ACYP2: variants seen among roughly 807,000 people sequenced by gnomAD.
ACYP2 encodes the protein acylphosphatase-2.
In ACYP2, 12 loss-of-function variants were observed where a neutral mutation model predicts 11.2. The ratio of observed to expected loss-of-function variants is 1.08; its 90% CI spans 0.69 to 1.74. The LOEUF (loss-of-function observed/expected upper bound fraction) is 1.74, where lower values mean the gene tolerates loss of function less well. ACYP2 is among the 40% of genes most tolerant of loss of function. ACYP2 has a pLI of 0.00. For missense variants in ACYP2, 134 were observed against 101.9 expected, an observed-to-expected ratio of 1.31 and a Z score of -1.35; for synonymous variants, 43 against 32.2, an observed-to-expected ratio of 1.33 and a Z score of -1.13.
At chr2:54,275,892 G>C (rs749180704) in intron 6 of ACYP2, among the ~76,000 whole-genome samples, 1 of 151,906 alleles carries the variant, frequency 6.6e-6, no homozygotes, top group Non-Finnish European at 1.5e-5. Context: ...TAGTCAAAGT[G>C]CAACATTAAG....
chr2:54,149,580 A>C (rs1455066546), intron 6 of ACYP2, among the ~76,000 whole-genome samples: 3 of 152,200 alleles, frequency 2.0e-5, no homozygotes. Flanking sequence ...GTGTTATGAC[A>C]CTGAGCATAA....
chr2:54,270,605 C>T (rs1573025718), intron 6 of ACYP2, among the ~76,000 whole-genome samples: 1 of 151,520 alleles, frequency 6.6e-6, no homozygotes, highest in East Asian at 1.9e-4. Context: ...AGATATGTCT[C>T]AAAATTTTAA....
intron 6 of ACYP2, among the ~76,000 whole-genome samples, chr2:54,140,030 G>A (rs544573075): frequency 4.4e-4 from 67 of 151,972 alleles, no homozygotes; most frequent in Middle Eastern, 3.4e-3. Flanking sequence ...AAATGTTTAC[G>A]TGCATACTTG....
At chr2:54,225,480 ATCT>A (rs890872308) in intron 6 of ACYP2, among the ~76,000 whole-genome samples, 8 of 152,120 alleles carry the variant, frequency 5.3e-5, no homozygotes, top group Non-Finnish European at 7.4e-5. Flanking sequence ...CATCAGCATG[ATCT>A]TCTTTACAGT....
At chr2:54,256,723 C>T (rs1687556388) in intron 6 of ACYP2, among the ~76,000 whole-genome samples, 1 of 152,240 alleles carries the variant, frequency 6.6e-6, no homozygotes, top group South Asian at 2.1e-4. Context: ...CTCACTGAAG[C>T]TGCCGCCTCC....
intron 6 of ACYP2, among the ~76,000 whole-genome samples, chr2:54,184,989 G>T (rs887953298): frequency 1.3e-5 from 2 of 151,972 alleles, no homozygotes; most frequent in African/African-American, 2.4e-5. Flanking sequence ...GGGATTACAG[G>T]TGCCCACCAC....
At chr2:54,294,658 T>C (rs758445085) in intron 6 of ACYP2, among the ~76,000 whole-genome samples, 1 of 152,044 alleles carries the variant, frequency 6.6e-6, no homozygotes, top group African/African-American at 2.4e-5. Flanking sequence ...ACTCCTGTAA[T>C]TGCAGCTCTT....
intron 2 of ACYP2, among the ~76,000 whole-genome samples, chr2:54,025,287 A>T (rs1440449473): frequency 1.3e-5 from 2 of 152,228 alleles, no homozygotes; most frequent in African/African-American, 4.8e-5. Flanking sequence ...AGACTAAGCA[A>T]AAAGAACACA....
chr2:53,996,564 A>G (rs1672584848), intron 2 of ACYP2, among the ~76,000 whole-genome samples: 1 of 152,178 alleles, frequency 6.6e-6, no homozygotes. Context: ...TGGTCCTGTT[A>G]ATGCTGCCAT....
chr2:54,113,078 G>T (rs1679538716), intron 4 of ACYP2, among the ~76,000 whole-genome samples: 1 of 152,134 alleles, frequency 6.6e-6, no homozygotes, highest in Non-Finnish European at 1.5e-5. Flanking sequence ...ATCCTGGAAT[G>T]TTCAAGTTCC....
chr2:54,155,839 C>T (rs1215845960), intron 6 of ACYP2, among the ~76,000 whole-genome samples: 1 of 152,130 alleles, frequency 6.6e-6, no homozygotes. Context: ...TGTTTAGTAA[C>T]ATGTTAATTT....
chr2:54,114,380 CAAAAAAA>C (rs58390248), intron 4 of ACYP2, among the ~76,000 whole-genome samples: 1 of 104,408 alleles, frequency 9.6e-6, no homozygotes, highest in Non-Finnish European at 2.0e-5. Context: ...TCAAGACAAT[CAAAAAAA>C]AAAAAAAAAA....
Position 54,255,840 on chromosome 2 carries a change from C to G in ACYP2, c.405-48848C>G, listed in dbSNP as rs114346583. On this transcript the variant is annotated intron_variant, in intron 6 of 6. Coordinates refer to ENST00000607452, the MANE Select transcript of ACYP2 (RefSeq NM_001320586.2). ...TTTTGAGGCTGCCGTCAGTTGTCAG[C>G]GAGGCAGAGGCCGCTTCTAGGCCCT... is the stretch of plus-strand genomic sequence containing the variant. 3.7e-6 allele frequency: 6 copies of G among 1,613,812 alleles called. No homozygotes were observed. The African/African-American group carries it at 4.0e-5, about 11-fold the overall frequency.
chr2:54,023,321 T>C (rs1301737802), intron 2 of ACYP2, among the ~76,000 whole-genome samples: 2 of 152,184 alleles, frequency 1.3e-5, no homozygotes, highest in African/African-American at 4.8e-5. Flanking sequence ...ATAAGAAATG[T>C]CACACTAATT....
intron 2 of ACYP2, among the ~76,000 whole-genome samples, chr2:53,991,076 G>T (rs572825873): frequency 6.6e-6 from 1 of 152,166 alleles, no homozygotes; most frequent in East Asian, 1.9e-4. Flanking sequence ...GATTACAGGC[G>T]TGAGCCACCG....
At chr2:54,210,186 T>C in intron 6 of ACYP2, among the ~76,000 whole-genome samples, 1 of 149,468 alleles carries the variant, frequency 6.7e-6, no homozygotes, top group South Asian at 2.1e-4. Flanking sequence ...AGAACCATGG[T>C]ACTACATTCC....
chr2:54,112,396 G>C (rs551028676), intron 4 of ACYP2, among the ~76,000 whole-genome samples: 1 of 152,264 alleles, frequency 6.6e-6, no homozygotes, highest in South Asian at 2.1e-4. Context: ...ATCATATACA[G>C]TCTTGGTAGT....
intron 6 of ACYP2, among the ~76,000 whole-genome samples, chr2:54,197,165 G>A (rs1234347331): frequency 6.6e-6 from 1 of 152,180 alleles, no homozygotes; most frequent in Non-Finnish European, 1.5e-5. Flanking sequence ...ATTTCAGGAA[G>A]CAGAATGATG....
At chr2:54,002,333 T>C (rs887866014) in intron 2 of ACYP2, among the ~76,000 whole-genome samples, 28 of 150,586 alleles carry the variant, frequency 1.9e-4, no homozygotes, top group African/African-American at 6.6e-4. Flanking sequence ...TTTCATTACT[T>C]CATAGCTCAT....
Sources: gnomAD v4.1 joint callset for allele counts (sites outside exome capture counted in the v4.1 genomes callset) on GRCh38, gnomAD v4.1.1 for gene constraint, MANE v1.5 for transcripts, NCBI Gene and HGNC (gene_info 2026-07-23, HGNC 2026-07-21) for gene names.